The following ATP6V1G3 variants were observed in gnomAD, a reference collection of about 807,000 sequenced individuals.
The protein encoded by ATP6V1G3 is V-type proton ATPase subunit G 3.
A neutral mutation model predicts 9.3 loss-of-function variants in ATP6V1G3; 9 were observed. The observed-to-expected ratio is 0.97, with a 90% confidence interval of 0.59 to 1.69. ATP6V1G3 has a LOEUF of 1.69. Among genes scored for constraint, ATP6V1G3 ranks in the 40% most tolerant of loss-of-function variants. ATP6V1G3 has a pLI of 0.00. For missense variants in ATP6V1G3, 133 were observed against 139.0 expected, an observed-to-expected ratio of 0.96 and a Z score of 0.22; for synonymous variants, 43 against 43.8, an observed-to-expected ratio of 0.98 and a Z score of 0.07.
intron 1 of ATP6V1G3, among the ~76,000 whole-genome samples, chr1:198,535,704 G>A (rs1660082500): frequency 6.6e-6 from 1 of 152,058 alleles, no homozygotes; most frequent in African/African-American, 2.4e-5. Flanking sequence ...AGTTAACTCA[G>A]TTAATCATGA....
At chr1:198,536,193 G>A (rs1406935887) in intron 1 of ATP6V1G3, among the ~76,000 whole-genome samples, 1 of 152,116 alleles carries the variant, frequency 6.6e-6, no homozygotes, top group African/African-American at 2.4e-5. Context: ...ATGCATTTGA[G>A]TATTTCAGAA....
At chr1:198,534,353 G>A (rs1273617602) in intron 1 of ATP6V1G3, among the ~76,000 whole-genome samples, 2 of 152,124 alleles carry the variant, frequency 1.3e-5, no homozygotes, top group East Asian at 1.9e-4. Flanking sequence ...ATGCAGCTGC[G>A]AGACAAGGAG....
At chr1:198,532,741 G>A (rs2103138486) in intron 1 of ATP6V1G3, among the ~76,000 whole-genome samples, 1 of 152,252 alleles carries the variant, frequency 6.6e-6, no homozygotes, top group South Asian at 2.1e-4. Flanking sequence ...CAGGCAGGGG[G>A]AAGGGTCCTC....
At chr1:198,536,797 C>T (rs1179222783) in intron 1 of ATP6V1G3, 28 of 1,168,640 alleles carry the variant, frequency 2.4e-5, no homozygotes, top group Middle Eastern at 4.0e-4. Flanking sequence ...TTATTACTTA[C>T]AGTAACATAC....
chr1:198,540,438 G>A (rs1186236860), intron 1 of ATP6V1G3, 131 bp downstream of exon 1: 1 of 824,866 alleles, frequency 1.2e-6, no homozygotes, highest in East Asian at 2.5e-5. Context: ...TAATGAATGG[G>A]TGAAGGTCTC....
intron 2 of ATP6V1G3, among the ~76,000 whole-genome samples, chr1:198,528,839 A>T (rs1185091217): frequency 4.0e-5 from 6 of 151,848 alleles, no homozygotes; most frequent in Non-Finnish European, 8.8e-5. Context: ...TTTTTAATAT[A>T]TACTATATAT....
At chr1:198,533,367 G>T (rs1659984766) in intron 1 of ATP6V1G3, among the ~76,000 whole-genome samples, 1 of 152,030 alleles carries the variant, frequency 6.6e-6, no homozygotes, top group African/African-American at 2.4e-5. Context: ...TAGGGGTAAA[G>T]GAGAATCAAG....
At chr1:198,530,318 T>A (rs1457904897) in intron 1 of ATP6V1G3, among the ~76,000 whole-genome samples, 3 of 152,162 alleles carry the variant, frequency 2.0e-5, no homozygotes, top group Admixed American at 2.0e-4. Context: ...AATCTTAGTG[T>A]AAACTTTTAT....
intron 2 of ATP6V1G3, among the ~76,000 whole-genome samples, chr1:198,526,099 A>G (rs1659640997): frequency 6.6e-6 from 1 of 152,130 alleles, no homozygotes; most frequent in Non-Finnish European, 1.5e-5. Flanking sequence ...TTATTTCTGA[A>G]TTTATTTGAT....
At chr1:198,530,272 C>G (rs1368599980) in intron 1 of ATP6V1G3, among the ~76,000 whole-genome samples, 3 of 152,010 alleles carry the variant, frequency 2.0e-5, no homozygotes, top group African/African-American at 7.3e-5. Flanking sequence ...AGACTTTGAA[C>G]TAAAGAATAA....
At chr1:198,535,326 C>T (rs1157856963) in intron 1 of ATP6V1G3, among the ~76,000 whole-genome samples, 3 of 151,984 alleles carry the variant, frequency 2.0e-5, no homozygotes, top group Non-Finnish European at 4.4e-5. Context: ...TCTTTATGAA[C>T]AAAAACATCC....
intron 1 of ATP6V1G3, among the ~76,000 whole-genome samples, chr1:198,532,966 T>C (rs1659964737): frequency 1.3e-5 from 2 of 152,264 alleles, no homozygotes; most frequent in South Asian, 4.1e-4. Context: ...ACTAAATTCA[T>C]GAAGGGTTCT....
intron 1 of ATP6V1G3, 38 bp from the exon 2 acceptor site, chr1:198,529,219 TA>T: frequency 2.4e-6 from 1 of 413,932 alleles, no homozygotes; most frequent in Non-Finnish European, 3.7e-6. Context: ...TATATATAAT[TA>T]TATATATCAA....
At chr1:198,531,018 G>A (rs1159529086) in intron 1 of ATP6V1G3, among the ~76,000 whole-genome samples, 1 of 151,880 alleles carries the variant, frequency 6.6e-6, no homozygotes, top group Non-Finnish European at 1.5e-5. Flanking sequence ...AAAAATCATA[G>A]GAAAGGGTCT....
intron 1 of ATP6V1G3, among the ~76,000 whole-genome samples, chr1:198,530,375 A>G (rs547568627): frequency 1.7e-4 from 26 of 152,180 alleles, no homozygotes; most frequent in Non-Finnish European, 3.4e-4. Context: ...CAGCATTTGC[A>G]CAGAGATTGT....
At chr1:198,536,553 T>C (rs1660120329) in intron 1 of ATP6V1G3, 1 of 671,996 alleles carries the variant, frequency 1.5e-6, no homozygotes. Flanking sequence ...TACTGTGATT[T>C]CATCTAAATT....
chr1:198,530,622 C>T (rs1659860431), intron 1 of ATP6V1G3, among the ~76,000 whole-genome samples: 1 of 152,136 alleles, frequency 6.6e-6, no homozygotes, highest in African/African-American at 2.4e-5. Flanking sequence ...CTTAATGGAA[C>T]ATTAATAGCA....
At chr1:198,525,353 A>G (rs1395522496) in intron 2 of ATP6V1G3, among the ~76,000 whole-genome samples, 4 of 152,302 alleles carry the variant, frequency 2.6e-5, no homozygotes, top group East Asian at 1.9e-4. Context: ...CATTAAAAAT[A>G]GTTGTCATTG....
intron 1 of ATP6V1G3, among the ~76,000 whole-genome samples, chr1:198,531,344 A>G (rs1408093813): frequency 6.6e-6 from 1 of 152,208 alleles, no homozygotes; most frequent in Non-Finnish European, 1.5e-5. Context: ...AAATCCACTC[A>G]TATTAACCTC....
Sources: allele counts gnomAD v4.1 joint callset (sites outside exome capture counted in the v4.1 genomes callset), GRCh38; gene constraint gnomAD v4.1.1; transcripts MANE v1.5; gene names NCBI Gene and HGNC (gene_info 2026-07-23, HGNC 2026-07-21).